Variants in NEBL observed in about 807,000 individuals in gnomAD.
NEBL encodes the protein LIM and SH3 protein 2.
In NEBL, 122 loss-of-function variants were observed where a neutral mutation model predicts 140.2. The ratio of observed to expected loss-of-function variants is 0.87; its 90% CI spans 0.75 to 1.01. The LOEUF (loss-of-function observed/expected upper bound fraction) is 1.01, where lower values mean the gene tolerates loss of function less well. Among genes scored for constraint, NEBL ranks in the 50% least tolerant of loss-of-function variants. The pLI is 0.00. For missense variants in NEBL, 1,365 were observed against 1,231.3 expected, an observed-to-expected ratio of 1.11 and a Z score of -1.62; for synonymous variants, 436 against 398.9, an observed-to-expected ratio of 1.09 and a Z score of -1.11.
chr10:21,029,819 T>G, intron 2 of NEBL: 1 of 710,514 alleles, frequency 1.4e-6, no homozygotes, highest in Non-Finnish European at 2.6e-6. Context: ...CTATCATTCC[T>G]GGATAGGCAG....
rs146874652 is a variant in NEBL, at chr10:20,896,995, A to G, written c.116T>C (p.Met39Thr). 45 of 1,613,872 alleles carry G rather than the reference A, an allele frequency of 2.8e-5. No individual in the cohort carries two copies. Among genetic ancestry groups the G allele is most frequent in the Non-Finnish European group, 3.1e-5 (36 of 1,179,982 alleles). ...TTCCGTGCATTTTCTGGCCAATTCC[A>G]TGCTTAAGTCTTCAATAACAGGCTT... ...FYKPVIEDLS[M>T]ELARKCTELI... is the part of the protein sequence containing the mutation. The change falls in exon 2 of 28, where the codon ATG (methionine) becomes ACG (threonine). Residue 39 changes from methionine to threonine, a missense_variant. Coordinates refer to ENST00000377122, the MANE Select transcript of NEBL (RefSeq NM_006393.3).
intron 24 of NEBL, among the ~76,000 whole-genome samples, chr10:20,810,156 C>A (rs943071920): frequency 1.3e-5 from 2 of 152,124 alleles, no homozygotes; most frequent in Admixed American, 6.5e-5. Flanking sequence ...GCTGCCCTAT[C>A]AGACCTTGCT....
chr10:20,829,467 A>G (rs913884263), intron 16 of NEBL, among the ~76,000 whole-genome samples: 2 of 151,772 alleles, frequency 1.3e-5, no homozygotes, highest in Admixed American at 6.6e-5. Context: ...GGATAGCATT[A>G]GGAGATATAC....
intron 3 of NEBL, among the ~76,000 whole-genome samples, chr10:20,992,765 CTTTTTTTTTTTTTTTTTTTT>C (rs35627113): frequency 5.7e-5 from 3 of 52,454 alleles, no homozygotes; most frequent in Non-Finnish European, 9.5e-5. Context: ...ACTACAAAGT[CTTTTTTTTTTTTTTTTTTTT>C]TTTTTTTTTT....
At chr10:21,264,376 C>CA (rs1175981716) in intron 1 of NEBL, among the ~76,000 whole-genome samples, 2 of 152,150 alleles carry the variant, frequency 1.3e-5, no homozygotes, top group African/African-American at 2.4e-5. Flanking sequence ...AGAGAAGAGG[C>CA]ATTTGCTGGG....
chr10:20,782,105 T>C lies in NEBL; in HGVS notation c.*3642A>G, dbSNP rs1835074804. On this transcript the variant is annotated 3_prime_UTR_variant, in exon 28 of 28. Coordinates refer to ENST00000377122, the MANE Select transcript of NEBL (RefSeq NM_006393.3). ...AAATAGATGGAAGAAGTCGGCATTT[T>C]CTAAAGTTCTAAATCTTTAGAGATA... The C allele has an allele frequency of 1.3e-5, 2 of 152,738 alleles. No individual in the cohort carries two copies. The highest frequency in any genetic ancestry group is 4.8e-5 in the African/African-American group (2 of 41,572). 9.5% of individuals were successfully genotyped at this position (152,738 alleles called of 1,614,324 possible). A position where few individuals can be genotyped will look rare whatever the true frequency, so the allele number is the denominator to read the frequency against.
chr10:21,165,764 CTG>C (rs1589302350), intron 2 of NEBL, among the ~76,000 whole-genome samples: 2 of 152,188 alleles, frequency 1.3e-5, no homozygotes, highest in East Asian at 3.9e-4. Context: ...TATGTGGTGA[CTG>C]TGTTGGACTG....
At chr10:20,905,372 G>C (rs1000858645) in intron 4 of NEBL, among the ~76,000 whole-genome samples, 3 of 152,110 alleles carry the variant, frequency 2.0e-5, no homozygotes, top group African/African-American at 7.2e-5. Flanking sequence ...TGCATGGCTG[G>C]GGAGGCCTCA....
At position 20,911,201 on chromosome 10, in the gene NEBL, T is replaced by C. The variant is rs564923493; in HGVS notation, c.357+50471A>G. ...CAAAATATAAAGAGTAAGCAAAGAG[T>C]AAGCACTGCAGTAAGTCCTTTACAC... On this transcript the variant is annotated intron_variant, in intron 4 of 6. Transcript: ENST00000417816. Among the ~76,000 whole-genome samples, 14 of 151,978 alleles carry C rather than the reference T, an allele frequency of 9.2e-5. No individual in the cohort carries two copies. The South Asian group carries it at 2.9e-3, about 32-fold the overall frequency.
chr10:21,276,947 T>C (rs1203686321), intron 1 of NEBL, among the ~76,000 whole-genome samples: 1 of 150,688 alleles, frequency 6.6e-6, no homozygotes, highest in Non-Finnish European at 1.5e-5. Context: ...CCAGCCTGGG[T>C]GATAGAGTGA....
In NEBL at chr10:20,914,931, C is replaced by T. The variant is rs72793917; in HGVS notation, c.357+46741G>A. 3.0e-3 allele frequency among the ~76,000 whole-genome samples: 442 copies of T among 149,284 alleles called. 1 individual carries two copies. The highest frequency in any genetic ancestry group is 5.1e-3 in the Non-Finnish European group (348 of 67,640). On this transcript the variant is annotated intron_variant, in intron 4 of 6. Transcript: ENST00000417816. ...GGAATGCAGTGGCACAATCTTGACT[C>T]ATGCAATTCTCCTACCTCTGCCTCC... is the stretch of plus-strand genomic sequence containing the variant.
chr10:20,943,592 TA>T (rs954385974), intron 4 of NEBL, among the ~76,000 whole-genome samples: 175 of 148,254 alleles, frequency 1.2e-3, no homozygotes, highest in African/African-American at 3.8e-3. Context: ...AGTATAATAA[TA>T]AAAAAAAAAG....
chr10:20,984,125 G>A (rs200406220), intron 3 of NEBL, among the ~76,000 whole-genome samples: 10 of 145,452 alleles, frequency 6.9e-5, no homozygotes, highest in African/African-American at 1.0e-4. Flanking sequence ...AAATGTACCT[G>A]AAAAAAAAAA....
chr10:20,897,554 A>T, upstream of NEBL: 1 of 1,057,374 alleles, frequency 9.5e-7, no homozygotes, highest in Middle Eastern at 4.6e-4. Context: ...AAAAGAGCAT[A>T]AAAAGGACTT....
chr10:21,258,246 C>T (rs1260809684), intron 1 of NEBL, among the ~76,000 whole-genome samples: 1 of 152,106 alleles, frequency 6.6e-6, no homozygotes, highest in African/African-American at 2.4e-5. Flanking sequence ...TATGATTGCA[C>T]CACTACACTC....
chr10:20,855,201 C>T (rs2131099875), intron 9 of NEBL, among the ~76,000 whole-genome samples: 1 of 150,086 alleles, frequency 6.7e-6, no homozygotes, highest in South Asian at 2.1e-4. Flanking sequence ...TGCACTCCAT[C>T]CTGGAGACAG....
intron 2 of NEBL, among the ~76,000 whole-genome samples, chr10:21,037,713 A>T (rs910902249): frequency 3.3e-5 from 5 of 152,172 alleles, no homozygotes; most frequent in African/African-American, 7.2e-5. Flanking sequence ...GTGATTTTTT[A>T]AAAAATGTGT....
chr10:20,863,085 C>T (rs1225903768), intron 7 of NEBL, among the ~76,000 whole-genome samples: 1 of 152,088 alleles, frequency 6.6e-6, no homozygotes, highest in Admixed American at 6.5e-5. Flanking sequence ...CAGAGGCTCA[C>T]ACTTGGAGAA....
chr10:21,040,770 T>C (rs370770885), intron 2 of NEBL, among the ~76,000 whole-genome samples: 57 of 152,182 alleles, frequency 3.7e-4, no homozygotes, highest in African/African-American at 1.4e-3. Context: ...TTAGAGCTGA[T>C]TGGATCATGG....
Sources: gnomAD v4.1 joint callset for allele counts (sites outside exome capture counted in the v4.1 genomes callset) on GRCh38, gnomAD v4.1.1 for gene constraint, MANE v1.5 for transcripts, NCBI Gene and HGNC (gene_info 2026-07-23, HGNC 2026-07-21) for gene names.